Variants in NCALD observed in about 807,000 individuals in gnomAD.
The protein encoded by NCALD is neurocalcin delta, also known as neurocalcin-delta.
In NCALD, 10 loss-of-function variants were observed where a neutral mutation model predicts 18.6. The ratio of observed to expected loss-of-function variants is 0.54; its 90% CI spans 0.33 to 0.91. The LOEUF (loss-of-function observed/expected upper bound fraction) is 0.91, where lower values mean the gene tolerates loss of function less well. Among genes scored for constraint, NCALD ranks in the 40% least tolerant of loss-of-function variants. NCALD has a pLI of 0.03. For missense variants in NCALD, 184 were observed against 247.6 expected (o/e 0.74, Z 1.72); for synonymous variants, 88 against 87.4 (o/e 1.01, Z -0.04).
intron 1 of NCALD, among the ~76,000 whole-genome samples, chr8:101,767,283 TAAAC>T (rs1278022716): frequency 1.3e-5 from 2 of 152,250 alleles, no homozygotes; most frequent in Admixed American, 6.5e-5. Context: ...AGTCAGCACT[TAAAC>T]AATAACTGGC....
chr8:102,006,854 T>C (rs1181778167), intron 2 of NCALD, among the ~76,000 whole-genome samples: 1 of 152,220 alleles, frequency 6.6e-6, no homozygotes, highest in Non-Finnish European at 1.5e-5. Flanking sequence ...GTTACATTTG[T>C]TAACTTCTCT....
intron 1 of NCALD, among the ~76,000 whole-genome samples, chr8:102,092,854 T>C (rs1467558054): frequency 6.6e-6 from 1 of 152,234 alleles, no homozygotes; most frequent in Non-Finnish European, 1.5e-5. Flanking sequence ...TCATTCCTTG[T>C]TATCACAATA....
At chr8:101,999,476 G>T (rs1429726195) in intron 2 of NCALD, among the ~76,000 whole-genome samples, 1 of 152,158 alleles carries the variant, frequency 6.6e-6, no homozygotes, top group East Asian at 1.9e-4. Flanking sequence ...CTATGAGGAT[G>T]CAAAGGCATA....
intron 1 of NCALD, among the ~76,000 whole-genome samples, chr8:102,068,658 T>C (rs982735679): frequency 2.6e-5 from 4 of 152,236 alleles, no homozygotes; most frequent in African/African-American, 9.6e-5. Flanking sequence ...TCTGAAATAA[T>C]CTAGCTTTTT....
intron 2 of NCALD, among the ~76,000 whole-genome samples, chr8:101,983,938 C>T (rs1802006632): frequency 6.6e-6 from 1 of 152,214 alleles, no homozygotes. Context: ...TCCCAGGGTG[C>T]TTTCGTCATC....
chr8:101,780,381 T>C (rs1248888601), intron 1 of NCALD, among the ~76,000 whole-genome samples: 1 of 152,178 alleles, frequency 6.6e-6, no homozygotes. Context: ...AGATGTTTAT[T>C]TTTTTGTGTA....
rs1215322761 is a variant in NCALD, at chr8:101,691,203, C to G, written c.484+1588G>C. ...CCTGGTTGAGCTAAGATTCCTCTGA[C>G]AGCTGTGAACTTACAGCCCCTCTTC... On this transcript the variant is annotated intron_variant, in intron 3 of 3. Coordinates refer to ENST00000220931, the MANE Select transcript of NCALD (RefSeq NM_032041.3). 5.1e-6 allele frequency: 5 copies of G among 985,430 alleles called. No homozygotes were observed. In the African/African-American group the frequency reaches 7.0e-5, roughly 14 times the overall value. The allele number at this position is 985,430 out of a possible 1,614,324, so 61.0% of individuals were successfully genotyped here.
At chr8:102,065,798 A>T (rs1420254706) in intron 1 of NCALD, among the ~76,000 whole-genome samples, 1 of 152,206 alleles carries the variant, frequency 6.6e-6, no homozygotes, top group East Asian at 1.9e-4. Flanking sequence ...ACATAGCGAG[A>T]CCCTGTCTCC....
chr8:101,770,836 A>C (rs1811557154), intron 1 of NCALD, among the ~76,000 whole-genome samples: 1 of 152,242 alleles, frequency 6.6e-6, no homozygotes, highest in South Asian at 2.1e-4. Flanking sequence ...AAGACTGTTT[A>C]TATAAATACA....
At chr8:101,947,556 A>T (rs1203847837) in intron 2 of NCALD, among the ~76,000 whole-genome samples, 1 of 152,252 alleles carries the variant, frequency 6.6e-6, no homozygotes, top group Non-Finnish European at 1.5e-5. Context: ...CTGCATTGAC[A>T]TGGATAAATT....
intron 3 of NCALD, chr8:101,692,054 T>C (rs1193447551): frequency 1.0e-6 from 1 of 975,316 alleles, no homozygotes; most frequent in Non-Finnish European, 1.2e-6. Flanking sequence ...GTGACTTTTT[T>C]AGTTGGCTAA....
intron 4 of NCALD, among the ~76,000 whole-genome samples, chr8:101,863,383 CT>C (rs1228040579): frequency 1.3e-5 from 2 of 152,206 alleles, no homozygotes; most frequent in African/African-American, 4.8e-5. Flanking sequence ...CAAAGTCTTG[CT>C]TTCAATTTTT....
chr8:101,730,862 T>TA (rs1350684848), intron 1 of NCALD, among the ~76,000 whole-genome samples: 1 of 152,234 alleles, frequency 6.6e-6, no homozygotes, highest in Non-Finnish European at 1.5e-5. Context: ...GCCACTAGAC[T>TA]GTAAGCACCT....
chr8:102,018,648 G>C lies in NCALD; in HGVS notation c.-157+1589C>G, dbSNP rs371576782. 2.2e-4 allele frequency among the ~76,000 whole-genome samples: 33 copies of C among 152,286 alleles called. 2 individuals are homozygous for C. In the East Asian group the frequency reaches 5.2e-3, roughly 24 times the overall value. On this transcript the variant is annotated intron_variant, in intron 2 of 6. Transcript: ENST00000311028. ...AAGTGTTAGATACATTCTACCTCTT[G>C]ATTGTGAGGTAAAACAATGATTACA...
chr8:102,015,232 C>A (rs1444712606), intron 2 of NCALD, among the ~76,000 whole-genome samples: 1 of 152,014 alleles, frequency 6.6e-6, no homozygotes, highest in Non-Finnish European at 1.5e-5. Context: ...TTTCTCATCA[C>A]CCTATCTTGA....
intron 4 of NCALD, among the ~76,000 whole-genome samples, chr8:101,880,787 C>A (rs188391298): frequency 6.6e-6 from 1 of 152,108 alleles, no homozygotes; most frequent in South Asian, 2.1e-4. Context: ...GAAATCACAA[C>A]ATGAGAAGTG....
rs527476057 is a variant in NCALD at position 102,113,619 on chromosome 8, C to G, written c.-210+10618G>C. Among the ~76,000 whole-genome samples the G allele has an allele frequency of 3.2e-3, 480 of 152,306 alleles. 4 individuals carry two copies. The highest frequency in any genetic ancestry group is 0.011 in the African/African-American group (454 of 41,548). On this transcript the variant is annotated intron_variant, in intron 1 of 6. Coordinates refer to the NCALD transcript ENST00000311028. Reference sequence around the variant, plus strand: ...CTTAAGTCCCACTTAAGTAGAATAACTATGTTTCTTTACCTGGATTGCCTA... The same window carrying G: ...CTTAAGTCCCACTTAAGTAGAATAAGTATGTTTCTTTACCTGGATTGCCTA...
chr8:101,773,435 T>C (rs938232694), intron 1 of NCALD, among the ~76,000 whole-genome samples: 1 of 152,164 alleles, frequency 6.6e-6, no homozygotes, highest in Non-Finnish European at 1.5e-5. Context: ...GCCAGGCTAA[T>C]TGTATAAGTT....
At chr8:102,109,912 G>A (rs1489625473) in intron 1 of NCALD, among the ~76,000 whole-genome samples, 6 of 152,034 alleles carry the variant, frequency 3.9e-5, no homozygotes, top group African/African-American at 1.2e-4. Context: ...TTAATATAGA[G>A]TTTTTTTCTT....
Sources: allele counts gnomAD v4.1 joint callset (sites outside exome capture counted in the v4.1 genomes callset), GRCh38; gene constraint gnomAD v4.1.1; transcripts MANE v1.5; gene names NCBI Gene and HGNC (gene_info 2026-07-23, HGNC 2026-07-21).